Variants in LEFTY1 observed in about 807,000 individuals in gnomAD.
LEFTY1 encodes the protein left-right determination factor 1.
LEFTY1 carries 18 observed loss-of-function variants against 22.6 expected under a neutral mutation model. The observed-to-expected ratio is 0.80, with a 90% CI of 0.55 to 1.18. LEFTY1 has a LOEUF of 1.18. Among genes scored for constraint, LEFTY1 ranks in the 50% most tolerant of loss-of-function variants. The pLI is 0.00. For missense variants in LEFTY1, 414 were observed against 495.4 expected, an observed-to-expected ratio of 0.84 and a Z score of 1.56; for synonymous variants, 201 against 231.5, an observed-to-expected ratio of 0.87 and a Z score of 1.20.
Position 225,887,931 on chromosome 1 carries a change from G to C in LEFTY1, c.352C>G (p.Leu118Val). ...PPNSELVQAV[L>V]RLFQEPVPKA... is the part of the protein sequence containing the mutation. ...GGGACCGGCTCCTGGAAGAGCCGCA[G>C]CACGGCCTGCACCAGCTCGCTGTTG... The change falls in exon 2 of 4, where the codon CTG becomes GTG. Residue 118 changes from leucine (L) to valine (V), a missense_variant. Leu to Val is a conservative substitution (Grantham distance 32, BLOSUM62 1). Coordinates refer to ENST00000272134, the MANE Select transcript of LEFTY1 (RefSeq NM_020997.4). The C allele has an allele frequency of 1.9e-6, 3 of 1,550,762 alleles. No homozygotes were observed. Among genetic ancestry groups the C allele is most frequent in the Non-Finnish European group, 2.6e-6 (3 of 1,157,522 alleles).
In LEFTY1 at chr1:225,886,749, A is replaced by G. The variant is rs575304825; in HGVS notation, c.1079T>C (p.Val360Ala). The G allele has an allele frequency of 1.9e-6, 3 of 1,613,588 alleles. No individual in the cohort carries two copies. In the African/African-American group the frequency reaches 4.0e-5, roughly 22 times the overall value. Residue 360 changes from valine (V) to alanine (A), a missense_variant, in exon 4 of 4, where the codon GTG becomes GCG. Val to Ala is a moderately conservative substitution (Grantham distance 64). Around this residue, in one of 2 missense-constraint regions of LEFTY1, gnomAD observed 16 missense variants for 40.7 expected, o/e 0.39. Coordinates refer to ENST00000272134, the MANE Select transcript of LEFTY1 (RefSeq NM_020997.4). ...CGCCTATGGCTGGAGCCTCCTTGGC[A>G]CGAGCGCACCATCCGAGGCACAGCT... Reference protein sequence around the residue: ...KCSCASDGALVPRRLQP With the variant: ...KCSCASDGALAPRRLQP
chr1:225,886,450 C>T lies in LEFTY1; in HGVS notation c.*277G>A. The T allele has an allele frequency of 1.9e-6, 1 of 522,386 alleles. No individual in the cohort carries two copies. Among genetic ancestry groups the T allele is most frequent in the Non-Finnish European group, 3.3e-6 (1 of 307,656 alleles). The allele number at this position is 522,386 out of a possible 1,614,324, so 32.4% of individuals were successfully genotyped here. ...AATGACACATTGGGCTTTCTGCCCTCAGGTTACAGTATCTCCACATGTAAG... is the reference window on the plus strand; with the variant it reads ...AATGACACATTGGGCTTTCTGCCCTTAGGTTACAGTATCTCCACATGTAAG... On this transcript the variant is annotated 3_prime_UTR_variant, in exon 4 of 4. Transcript: ENST00000272134.
chr1:225,887,512 C>T lies in LEFTY1; in HGVS notation c.624G>A (p.Leu208=), dbSNP rs1671305809. The change falls in exon 3 of 4, where the codon CTG becomes CTA. Residue 208 remains leucine (L), a synonymous_variant. Coordinates refer to ENST00000272134, the MANE Select transcript of LEFTY1 (RefSeq NM_020997.4). ...LLQVSVQREH[L]GPLASGAHKL... is the part of the protein sequence containing the mutation. ...TGTGGGCGCCGGACGCCAGCGGGCC[C>T]AGATGCTCCCTCTGCACCGACACCT... is the stretch of plus-strand genomic sequence containing the variant. The T allele has an allele frequency of 1.2e-6, 2 of 1,611,852 alleles. No individual in the cohort carries two copies. The highest frequency in any genetic ancestry group is 2.2e-5 in the East Asian group (1 of 44,840).
In LEFTY1 at chr1:225,887,093, G is replaced by C. The variant is rs1391043882; in HGVS notation, c.738-3C>G. On this transcript the variant is annotated splice_region_variant and splice_polypyrimidine_tract_variant and intron_variant, in intron 3 of 3. Transcript: ENST00000272134. Reference sequence around the variant, plus strand: ...CAGGGTCACAGTCGCCCTGAGCTCTGTGTGGGCAAAGAGAGCAGGGTCAGC... The same window carrying C: ...CAGGGTCACAGTCGCCCTGAGCTCTCTGTGGGCAAAGAGAGCAGGGTCAGC... 6.3e-7 allele frequency: 1 copy of C among 1,599,186 alleles called. No homozygotes were observed. Among genetic ancestry groups the C allele is most frequent in the Non-Finnish European group, 8.5e-7 (1 of 1,173,582 alleles).
In LEFTY1 at chr1:225,887,561, C is replaced by T. The variant is rs1483864081; in HGVS notation, c.575G>A (p.Arg192Gln). 11 of 1,611,038 alleles carry T rather than the reference C, an allele frequency of 6.8e-6. No homozygotes were observed. Among genetic ancestry groups the T allele is most frequent in the Non-Finnish European group, 6.8e-6 (8 of 1,179,370 alleles). ...EAVNFWQQLS[R>Q]PRQPLLLQVS... ...CTGTAGCAGCAGCGGCTGCCGGGGC[C>T]GGCTCAGCTGCTGCCAGAAGTTCAC... The change falls in exon 3 of 4, where the codon CGG becomes CAG. Residue 192 changes from arginine (R) to glutamine (Q), a missense_variant. Arg to Gln is a conservative substitution (Grantham distance 43, BLOSUM62 1). This residue lies in a region of LEFTY1 where 398 missense variants were observed against 454.7 expected (regional missense o/e 0.88). Transcript: ENST00000272134.
rs145906534 is a variant in LEFTY1, at chr1:225,887,458, C to A, written c.678G>T (p.Ala226=). The A allele has an allele frequency of 3.1e-6, 5 of 1,612,770 alleles. No homozygotes were observed. The highest frequency in any genetic ancestry group is 1.6e-4 in the Middle Eastern group (1 of 6,080). ...HKLVRFASQG[A]PAGLGEPQLE... is the part of the protein sequence containing the mutation. Reference sequence around the variant, plus strand: ...GCTGGGGCTCCCCAAGCCCGGCTGGCGCCCCCTGCGAGGCAAAGCGGACCA... The same window carrying A: ...GCTGGGGCTCCCCAAGCCCGGCTGGAGCCCCCTGCGAGGCAAAGCGGACCA... Residue 226 remains alanine (A), a synonymous_variant, in exon 3 of 4, where the codon GCG becomes GCT. Coordinates refer to ENST00000272134, the MANE Select transcript of LEFTY1 (RefSeq NM_020997.4).
At position 225,888,834 on chromosome 1, in the gene LEFTY1, A is replaced by G. The variant is rs1404962583; in HGVS notation, c.233T>C (p.Phe78Ser). ...SHGDRSRGKR[F>S]SQSFREVAGR... ...GGCCTCACCTCGGAAGCTCTGGCTG[A>G]ACCTCTTTCCGCGGGAGCGGTCCCC... Residue 78 changes from phenylalanine (F) to serine (S), a missense_variant, in exon 1 of 4, where the codon TTC becomes TCC. Coordinates refer to ENST00000272134, the MANE Select transcript of LEFTY1 (RefSeq NM_020997.4). The G allele has an allele frequency of 1.2e-6, 2 of 1,613,256 alleles. No homozygotes were observed. The highest frequency in any genetic ancestry group is 1.3e-5 in the African/African-American group (1 of 75,042).
intron 3 of LEFTY1, 85 bp from the exon 4 acceptor site, chr1:225,887,175 C>T: frequency 6.7e-7 from 1 of 1,501,040 alleles, no homozygotes. Flanking sequence ...TATGATCCAC[C>T]TCTCAACTTC....
rs1284629975 is a variant in LEFTY1, at chr1:225,889,058, G to C, written c.9C>G (p.Pro3=). Residue 3 remains proline, a synonymous_variant, in exon 1 of 4, where the codon CCC becomes CCG. Coordinates refer to ENST00000272134, the MANE Select transcript of LEFTY1 (RefSeq NM_020997.4). The part of the protein sequence containing the change: MQ[P]LWLCWALWVL... ...CCCAGAGTGCCCAGCAGAGCCACAGGGGCTGCATGGTGCTGCCCTGGAGGA... is the reference window on the plus strand; with the variant it reads ...CCCAGAGTGCCCAGCAGAGCCACAGCGGCTGCATGGTGCTGCCCTGGAGGA... The C allele has an allele frequency of 6.8e-7, 1 of 1,474,238 alleles. No individual in the cohort carries two copies. Among genetic ancestry groups the C allele is most frequent in the East Asian group, 2.4e-5 (1 of 41,886 alleles). The allele number at this position is 1,474,238 out of a possible 1,614,324, so 91.3% of individuals were successfully genotyped here. A position where few individuals can be genotyped will look rare whatever the true frequency, so the allele number is the denominator to read the frequency against.
At position 225,889,097 on chromosome 1, in the gene LEFTY1, T is replaced by G; in HGVS notation, c.-31A>C. 1 of 1,444,838 alleles carries G rather than the reference T, an allele frequency of 6.9e-7. No homozygotes were observed. Among genetic ancestry groups the G allele is most frequent in the Non-Finnish European group, 9.1e-7 (1 of 1,103,088 alleles). 89.5% of individuals were successfully genotyped at this position (1,444,838 alleles called of 1,614,324 possible). ...TGCCCTGGAGGAGCAAGAGGCAGAG[T>G]GGGGCTGTCCCTTGAGAAGGCTGCA... On this transcript the variant is annotated 5_prime_UTR_variant, in exon 1 of 4. Transcript: ENST00000272134.
Position 225,889,107 on chromosome 1 carries a change from C to A in LEFTY1, c.-41G>T. ...GAGCAAGAGGCAGAGTGGGGCTGTCCCTTGAGAAGGCTGCAGGAGGGTCTC... is the reference window on the plus strand; with the variant it reads ...GAGCAAGAGGCAGAGTGGGGCTGTCACTTGAGAAGGCTGCAGGAGGGTCTC... On this transcript the variant is annotated 5_prime_UTR_variant, in exon 1 of 4. Coordinates refer to ENST00000272134, the MANE Select transcript of LEFTY1 (RefSeq NM_020997.4). The A allele has an allele frequency of 7.0e-7, 1 of 1,436,418 alleles. No homozygotes were observed. Among genetic ancestry groups the A allele is most frequent in the Non-Finnish European group, 9.1e-7 (1 of 1,098,832 alleles). The allele number at this position is 1,436,418 out of a possible 1,614,324, so 89.0% of individuals were successfully genotyped here. A position where few individuals can be genotyped will look rare whatever the true frequency, so the allele number is the denominator to read the frequency against.
In LEFTY1 at chr1:225,886,606, G is replaced by A; in HGVS notation, c.*121C>T. ...ACTTGTCAGAGGAAGCAAATTCAGG[G>A]CTCACTAGAGAGCACAGAGCATTTG... On this transcript the variant is annotated 3_prime_UTR_variant, in exon 4 of 4. Coordinates refer to ENST00000272134, the MANE Select transcript of LEFTY1 (RefSeq NM_020997.4). 6.6e-7 allele frequency: 1 copy of A among 1,521,490 alleles called. No individual in the cohort carries two copies. The highest frequency in any genetic ancestry group is 2.3e-5 in the East Asian group (1 of 44,102). The allele number at this position is 1,521,490 out of a possible 1,614,324, so 94.2% of individuals were successfully genotyped here. A position where few individuals can be genotyped will look rare whatever the true frequency, so the allele number is the denominator to read the frequency against.
intron 3 of LEFTY1, 125 bp downstream of exon 3, chr1:225,887,270 GAGTC>G (rs1671299683): frequency 6.6e-7 from 1 of 1,522,992 alleles, no homozygotes; most frequent in Non-Finnish European, 8.8e-7. Context: ...GATCTCCTAA[GAGTC>G]AGAGGAAGAA....
At chr1:225,887,136 G>A in intron 3 of LEFTY1, 46 bp from the exon 4 acceptor site, 1 of 1,559,142 alleles carries the variant, frequency 6.4e-7, no homozygotes, top group Non-Finnish European at 8.6e-7. Context: ...TGGGAGGGCT[G>A]AGGTCAGAGG....
Position 225,887,508 on chromosome 1 carries a change from G to A in LEFTY1, c.628C>T (p.Pro210Ser). The change falls in exon 3 of 4, where the codon CCG becomes TCG. Residue 210 changes from proline to serine, a missense_variant. By Grantham distance (74) the Pro-to-Ser change is moderately conservative. Coordinates refer to ENST00000272134, the MANE Select transcript of LEFTY1 (RefSeq NM_020997.4). ...QVSVQREHLG[P>S]LASGAHKLVR... ...AGCTTGTGGGCGCCGGACGCCAGCG[G>A]GCCCAGATGCTCCCTCTGCACCGAC... 1 of 1,611,788 alleles carries A rather than the reference G, an allele frequency of 6.2e-7. No homozygotes were observed. Among genetic ancestry groups the A allele is most frequent in the Non-Finnish European group, 8.5e-7 (1 of 1,179,348 alleles).
rs1406934436 is a variant in LEFTY1 at position 225,889,025 on chromosome 1, G to A, written c.42C>T (p.Pro14=). The change falls in exon 1 of 4, where the codon CCC becomes CCT. Residue 14 remains proline (P), a synonymous_variant. Transcript: ENST00000272134. ...TCAGGGCGGCCCCGGGGCTGGCCAG[G>A]GGCAACACCCAGAGTGCCCAGCAGA... The part of the protein sequence containing the change: ...LWLCWALWVL[P]LASPGAALTG... The A allele has an allele frequency of 1.3e-6, 2 of 1,507,814 alleles. No homozygotes were observed. The highest frequency in any genetic ancestry group is 2.4e-5 in the East Asian group (1 of 42,100). The allele number at this position is 1,507,814 out of a possible 1,614,324, so 93.4% of individuals were successfully genotyped here.
At position 225,886,727 on chromosome 1, in the gene LEFTY1, C is replaced by G. The variant is rs1671285501; in HGVS notation, c.1101G>C (p.Ter367TyrextTer42). The change falls in exon 4 of 4, where the codon TAG becomes TAC. Residue 367 changes from the stop codon to tyrosine (Y), a stop_lost. Transcript: ENST00000272134. ...GTCCCTCGATGGCTACACTAGGCGC[C>G]TATGGCTGGAGCCTCCTTGGCACGA... ...GALVPRRLQP* is the reference protein window; with the variant it reads ...GALVPRRLQPY 1 of 1,613,488 alleles carries G rather than the reference C, an allele frequency of 6.2e-7. No homozygotes were observed. The highest frequency in any genetic ancestry group is 8.5e-7 in the Non-Finnish European group (1 of 1,180,058).
intron 2 of LEFTY1, 44 bp downstream of exon 2, chr1:225,887,742 T>G (rs572652707): frequency 0.016 from 24,586 of 1,525,862 alleles, 243 homozygotes; most frequent in Middle Eastern, 0.019. Flanking sequence ...AAGCCGGGCC[T>G]AGCAGCGCCC....
At chr1:225,887,758 C>A (rs1671315874) in intron 2 of LEFTY1, 28 bp downstream of exon 2, 2 of 1,552,520 alleles carry the variant, frequency 1.3e-6, no homozygotes, top group South Asian at 1.2e-5. Flanking sequence ...CGCCCTCCCC[C>A]TACCCTGCGC....
Sources: gnomAD v4.1 joint callset for allele counts on GRCh38, gnomAD v4.1.1 for gene constraint, gnomAD v4.1.1 regional missense constraint, MANE v1.5 for transcripts, NCBI Gene and HGNC (gene_info 2026-07-23, HGNC 2026-07-21) for gene names.